The following DOCK1 variants were observed in gnomAD, a reference collection of about 807,000 sequenced individuals.
DOCK1 encodes the protein dedicator of cytokinesis protein 1.
Under a neutral mutation model 262.7 loss-of-function variants are expected in DOCK1, and 138 were observed. The observed-to-expected ratio is 0.53, with a 90% CI of 0.46 to 0.61. The LOEUF is 0.61. DOCK1 is among the 20% of genes least tolerant of loss of function. The probability of loss-of-function intolerance (pLI) is 0.00; values close to 1 mark genes in which losing one functional copy is unlikely to be tolerated. For synonymous variants in DOCK1, 866 were observed against 867.4 expected (o/e 1.00, Z 0.03); for missense variants, 1,908 against 2,370.7 (o/e 0.80, Z 4.05).
chr10:127,132,650 G>A (rs2050394255), intron 27 of DOCK1, among the ~76,000 whole-genome samples: 1 of 152,172 alleles, frequency 6.6e-6, no homozygotes, highest in Non-Finnish European at 1.5e-5. Flanking sequence ...GGGCTGGCCA[G>A]CCATTGGGTG....
rs768871901 is a variant in DOCK1 at position 127,403,062 on chromosome 10, A to T, written c.3935A>T (p.Glu1312Val). Reference protein sequence around the residue: ...IHYFDKGKMWEEAIALGKELA... With the variant: ...IHYFDKGKMWVEAIALGKELA... ...CTTTATTTTAACTCACAGATGTGGG[A>T]GGAGGCCATTGCCTTGGGCAAGGAG... Residue 1312 changes from glutamate to valine, a missense_variant, in exon 39 of 52, where the codon GAG (glutamate) becomes GTG (valine). Physicochemically the swap from Glu to Val is moderately radical, Grantham distance 121. Transcript: ENST00000623213. The T allele has an allele frequency of 6.2e-7, 1 of 1,611,520 alleles. No homozygotes were observed. Among genetic ancestry groups the T allele is most frequent in the Admixed American group, 1.7e-5 (1 of 59,748 alleles).
intron 38 of DOCK1, among the ~76,000 whole-genome samples, chr10:127,401,912 G>A (rs2067247304): frequency 6.6e-6 from 1 of 152,174 alleles, no homozygotes; most frequent in Non-Finnish European, 1.5e-5. Context: ...GCGGGTGGGG[G>A]CTCAGTGCCA....
intron 22 of DOCK1, among the ~76,000 whole-genome samples, chr10:127,057,755 C>G (rs143615960): frequency 4.8e-4 from 73 of 152,218 alleles, no homozygotes; most frequent in African/African-American, 1.7e-3. Context: ...GTTTCTTGTG[C>G]TTTGTAGAGT....
At chr10:127,048,369 ATGTG>A (rs1306228613) in intron 21 of DOCK1, among the ~76,000 whole-genome samples, 4 of 151,768 alleles carry the variant, frequency 2.6e-5, no homozygotes, top group African/African-American at 9.7e-5. Context: ...TGTTTATGGT[ATGTG>A]TGTGTATGTG....
chr10:127,254,894 G>A (rs981570443), intron 28 of DOCK1, among the ~76,000 whole-genome samples: 4 of 152,160 alleles, frequency 2.6e-5, no homozygotes, highest in Non-Finnish European at 5.9e-5. Context: ...TGAAGCATGG[G>A]GACAAGAAAG....
chr10:127,052,857 G>A, intron 22 of DOCK1, 42 bp downstream of exon 22: 2 of 1,574,036 alleles, frequency 1.3e-6, no homozygotes, highest in Non-Finnish European at 1.7e-6. Context: ...TCAGAGGACT[G>A]GCAGGAGATC....
At chr10:127,058,506 GTAAT>G in intron 22 of DOCK1, among the ~76,000 whole-genome samples, 1 of 151,840 alleles carries the variant, frequency 6.6e-6, no homozygotes, top group Admixed American at 6.6e-5. Context: ...TATATATAGT[GTAAT>G]TAAGTAATGT....
At chr10:127,351,013 G>A (rs541887201) in intron 31 of DOCK1, among the ~76,000 whole-genome samples, 87 of 152,260 alleles carry the variant, frequency 5.7e-4, no homozygotes, top group Admixed American at 3.9e-3. Context: ...CAAGTAAATT[G>A]CCCGGTGTGC....
intron 21 of DOCK1, among the ~76,000 whole-genome samples, chr10:127,043,542 A>G (rs2044156942): frequency 6.6e-6 from 1 of 152,196 alleles, no homozygotes; most frequent in Non-Finnish European, 1.5e-5. Context: ...TTGGTTGTTT[A>G]GTGTGAATTA....
At chr10:127,229,454 T>G (rs2058760540) in intron 27 of DOCK1, among the ~76,000 whole-genome samples, 1 of 152,238 alleles carries the variant, frequency 6.6e-6, no homozygotes, top group Admixed American at 6.5e-5. Context: ...GTTCGACTTG[T>G]AGAGTCCACT....
chr10:127,333,200 G>A lies in DOCK1; in HGVS notation c.3045-5806G>A, dbSNP rs2063058345. On this transcript the variant is annotated intron_variant, in intron 29 of 51. Coordinates refer to ENST00000623213, the MANE Select transcript of DOCK1 (RefSeq NM_001290223.2). Reference sequence around the variant, plus strand: ...CAAGGGATTTAAATGCCCTCATATTGAAGTGTACAAGCTAATTATGTAACT... The same window carrying A: ...CAAGGGATTTAAATGCCCTCATATTAAAGTGTACAAGCTAATTATGTAACT... Among the ~76,000 whole-genome samples the A allele has an allele frequency of 1.3e-5, 2 of 152,132 alleles. 1 individual carries two copies. The highest frequency in any genetic ancestry group is 4.8e-5 in the African/African-American group (2 of 41,406).
In DOCK1 at chr10:127,268,988, C is replaced by T. The variant is rs375812451; in HGVS notation, c.3044+11559C>T. Among the ~76,000 whole-genome samples, 13 of 152,294 alleles carry T rather than the reference C, an allele frequency of 8.5e-5. No individual in the cohort carries two copies. In the East Asian group the frequency reaches 2.3e-3, roughly 27 times the overall value. ...AAGAGTAGCCACAGGCCTTTCCTCT[C>T]TACCTCTCCCAGCCAGAGGCCACCT... On this transcript the variant is annotated intron_variant, in intron 29 of 51. Transcript: ENST00000623213.
At chr10:127,188,767 G>A (rs971388132) in intron 27 of DOCK1, among the ~76,000 whole-genome samples, 9 of 152,212 alleles carry the variant, frequency 5.9e-5, no homozygotes, top group African/African-American at 1.9e-4. Flanking sequence ...ATAACACTCA[G>A]CACAAGCTAG....
intron 29 of DOCK1, among the ~76,000 whole-genome samples, chr10:127,336,128 G>A (rs763372692): frequency 3.9e-5 from 6 of 151,944 alleles, no homozygotes; most frequent in African/African-American, 1.2e-4. Context: ...ACACTCGGCC[G>A]ACTAATAGAT....
intron 1 of DOCK1, among the ~76,000 whole-genome samples, chr10:126,916,146 G>A (rs1272864384): frequency 6.6e-6 from 1 of 151,274 alleles, no homozygotes; most frequent in Non-Finnish European, 1.5e-5. Flanking sequence ...CCCTCCCTGA[G>A]CCCCAGGCCC....
intron 38 of DOCK1, among the ~76,000 whole-genome samples, chr10:127,386,424 G>C (rs1459098339): frequency 2.6e-5 from 4 of 151,968 alleles, no homozygotes; most frequent in African/African-American, 9.7e-5. Context: ...AGCTTCATCT[G>C]TGTTTACAGC....
chr10:127,043,605 C>A (rs1320411403), intron 21 of DOCK1, among the ~76,000 whole-genome samples: 1 of 152,220 alleles, frequency 6.6e-6, no homozygotes, highest in Non-Finnish European at 1.5e-5. Flanking sequence ...AGAGCACCTT[C>A]CCTTTTCTTT....
intron 2 of DOCK1, among the ~76,000 whole-genome samples, chr10:126,975,682 T>G (rs1028159357): frequency 4.0e-5 from 6 of 151,578 alleles, no homozygotes; most frequent in African/African-American, 1.5e-4. Context: ...TGGAGTGCAG[T>G]GGCATGATCT....
chr10:127,307,350 T>C (rs563390508), intron 29 of DOCK1, among the ~76,000 whole-genome samples: 2 of 152,326 alleles, frequency 1.3e-5, no homozygotes, highest in South Asian at 4.1e-4. Context: ...ACTTTTTCTG[T>C]GGGACCATCC....
Sources: gnomAD v4.1 joint callset for allele counts (sites outside exome capture counted in the v4.1 genomes callset) on GRCh38, gnomAD v4.1.1 for gene constraint, MANE v1.5 for transcripts, NCBI Gene and HGNC (gene_info 2026-07-23, HGNC 2026-07-21) for gene names.